Variants in CUX1 observed in about 807,000 individuals in gnomAD.
CUX1 encodes protein CASP.
A neutral mutation model predicts 158.8 loss-of-function variants in CUX1; 31 were observed. The observed-to-expected ratio is 0.20, with a 90% CI of 0.15 to 0.26. CUX1 has a LOEUF of 0.26. CUX1 is among the 10% of genes least tolerant of loss of function. The pLI is 1.00. For synonymous variants in CUX1, 879 were observed against 862.1 expected, an observed-to-expected ratio of 1.02 and a Z score of -0.34; for missense variants, 1,589 against 2,014.6, an observed-to-expected ratio of 0.79 and a Z score of 4.04.
intron 2 of CUX1, among the ~76,000 whole-genome samples, chr7:101,951,636 G>C (rs367420): frequency 3.9e-5 from 6 of 152,042 alleles, no homozygotes; most frequent in Non-Finnish European, 7.4e-5. Context: ...CTCCTGAGTA[G>C]CTGGGACTAC....
intron 1 of CUX1, among the ~76,000 whole-genome samples, chr7:101,825,784 TGTGTGTGTGTGTGTGC>T (rs1180128950): frequency 3.9e-5 from 4 of 101,430 alleles, no homozygotes; most frequent in Non-Finnish European, 6.0e-5. Flanking sequence ...TGTGTGTGTG[TGTGTGTGTGTGTGTGC>T]GCGCGCGCGC....
chr7:101,987,033 G>A (rs573456807), intron 2 of CUX1, among the ~76,000 whole-genome samples: 77 of 152,204 alleles, frequency 5.1e-4, no homozygotes, highest in African/African-American at 1.8e-3. Context: ...GTCTGCTCCT[G>A]CCACCCCTGT....
chr7:101,983,005 C>T (rs1377153091), intron 2 of CUX1, among the ~76,000 whole-genome samples: 3 of 146,118 alleles, frequency 2.1e-5, no homozygotes, highest in African/African-American at 7.4e-5. Context: ...TGAGTGTCCA[C>T]GTCCTGTGCC....
downstream of CUX1, among the ~76,000 whole-genome samples, chr7:102,262,395 C>G (rs868941763): frequency 1.4e-5 from 2 of 143,290 alleles, no homozygotes; most frequent in East Asian, 4.1e-4. Context: ...AAGACTCCAT[C>G]ATGGATGGAT....
intron 11 of CUX1, among the ~76,000 whole-genome samples, chr7:102,182,183 A>C (rs966980249): frequency 5.9e-5 from 9 of 152,178 alleles, no homozygotes; most frequent in Admixed American, 5.9e-4. Flanking sequence ...TTTTCCCATG[A>C]ACACTTGGCA....
At chr7:101,896,071 T>C (rs546634442) in intron 1 of CUX1, among the ~76,000 whole-genome samples, 1 of 152,032 alleles carries the variant, frequency 6.6e-6, no homozygotes. Flanking sequence ...ATTTATTTAT[T>C]ATTTTTTCGA....
At chr7:101,915,595 A>G (rs952766286) in intron 1 of CUX1, among the ~76,000 whole-genome samples, 1 of 152,212 alleles carries the variant, frequency 6.6e-6, no homozygotes, top group African/African-American at 2.4e-5. Flanking sequence ...CATTTGTTGA[A>G]TGAATACAAA....
intron 8 of CUX1, among the ~76,000 whole-genome samples, chr7:102,123,558 G>A (rs369918626): frequency 5.5e-4 from 82 of 148,212 alleles, no homozygotes; most frequent in African/African-American, 1.9e-3. Flanking sequence ...GCAGTGAGCC[G>A]AGATTGTGCC....
chr7:102,022,767 T>G (rs1819534324), intron 2 of CUX1, among the ~76,000 whole-genome samples: 1 of 152,278 alleles, frequency 6.6e-6, no homozygotes, highest in Non-Finnish European at 1.5e-5. Context: ...TGATTGGAAT[T>G]ATCTCAAGAA....
chr7:101,880,350 G>C (rs761331935), intron 1 of CUX1, among the ~76,000 whole-genome samples: 1 of 152,154 alleles, frequency 6.6e-6, no homozygotes, highest in Non-Finnish European at 1.5e-5. Flanking sequence ...AATGAGGACG[G>C]TGTGCGTTCC....
At chr7:102,118,739 TTTG>T (rs199523062) in intron 8 of CUX1, among the ~76,000 whole-genome samples, 17 of 151,920 alleles carry the variant, frequency 1.1e-4, no homozygotes, top group African/African-American at 1.7e-4. Context: ...CTGGGTGGTT[TTTG>T]TTGTTGTTGT....
chr7:102,005,303 G>A (rs1489699301), intron 2 of CUX1, among the ~76,000 whole-genome samples: 1 of 152,216 alleles, frequency 6.6e-6, no homozygotes, highest in Non-Finnish European at 1.5e-5. Context: ...CCTGAGGCCA[G>A]GAGTTCGAGA....
At chr7:102,019,276 GGAGT>G (rs1440107350) in intron 2 of CUX1, among the ~76,000 whole-genome samples, 4 of 151,588 alleles carry the variant, frequency 2.6e-5, no homozygotes, top group Non-Finnish European at 5.9e-5. Context: ...TGCCCAGGCT[GGAGT>G]GCAGTGGCAC....
intron 3 of CUX1, among the ~76,000 whole-genome samples, chr7:102,056,813 C>T (rs1196888483): frequency 2.6e-5 from 4 of 152,170 alleles, no homozygotes; most frequent in Non-Finnish European, 4.4e-5. Flanking sequence ...TCGTGATCCG[C>T]CTGCCTCAGC....
At chr7:102,108,730 TTCA>T (rs1554489243) in intron 6 of CUX1, among the ~76,000 whole-genome samples, 1 of 113,718 alleles carries the variant, frequency 8.8e-6, no homozygotes. Context: ...ATTTACTTCA[TTCA>T]TTTTGTGTGT....
At chr7:101,820,887 A>G (rs1792394520) in intron 1 of CUX1, among the ~76,000 whole-genome samples, 1 of 152,160 alleles carries the variant, frequency 6.6e-6, no homozygotes, top group Admixed American at 6.5e-5. Context: ...GCCCAGGGAC[A>G]CTTTTCACTT....
chr7:101,959,524 T>C (rs1810201565), intron 2 of CUX1: 1 of 152,166 alleles, frequency 6.6e-6, no homozygotes, highest in Admixed American at 6.5e-5. Flanking sequence ...GAGTCCTCAG[T>C]GTTCTGCCTC....
intron 8 of CUX1, 144 bp from the exon 9 acceptor site, chr7:102,158,416 G>T: frequency 1.5e-6 from 1 of 673,328 alleles, no homozygotes; most frequent in Non-Finnish European, 2.6e-6. Context: ...CCCCCAGTGT[G>T]AGCCCACCTC....
At chr7:102,283,029 A>C (rs1792227573) in exon 23 of CUX1, 1 of 1,611,982 alleles carries the variant, frequency 6.2e-7, no homozygotes, top group Non-Finnish European at 8.5e-7. Context: ...AGGTTCGCTG[A>C]CCACCTGCAC....
Sources: gnomAD v4.1 joint callset for allele counts (sites outside exome capture counted in the v4.1 genomes callset) on GRCh38, gnomAD v4.1.1 for gene constraint, MANE v1.5 for transcripts, NCBI Gene and HGNC (gene_info 2026-07-23, HGNC 2026-07-21) for gene names.